Variants in WDR64 observed in about 807,000 individuals in gnomAD.
WDR64 encodes the protein WD repeat-containing protein 64.
Under a neutral mutation model 139.3 loss-of-function variants are expected in WDR64, and 112 were observed. The ratio of observed to expected loss-of-function variants is 0.80; its 90% confidence interval spans 0.69 to 0.94. The LOEUF (loss-of-function observed/expected upper bound fraction) is 0.94, where lower values mean the gene tolerates loss of function less well. Ranked by LOEUF, WDR64 falls within the 40% of genes least tolerant of loss-of-function variation. The pLI is 0.00. For missense variants in WDR64, 1,206 were observed against 1,293.1 expected, an observed-to-expected ratio of 0.93 and a Z score of 1.03; for synonymous variants, 444 against 437.7, an observed-to-expected ratio of 1.01 and a Z score of -0.18.
At chr1:241,773,227 A>G (rs1658527279) in intron 20 of WDR64, among the ~76,000 whole-genome samples, 1 of 152,168 alleles carries the variant, frequency 6.6e-6, no homozygotes, top group South Asian at 2.1e-4. Context: ...ACAGATACCC[A>G]TACTGGGATA....
intron 14 of WDR64, 32 bp downstream of exon 14, chr1:241,749,754 G>C: frequency 6.5e-7 from 1 of 1,547,588 alleles, no homozygotes; most frequent in African/African-American, 1.8e-5. Context: ...TCGTACTGCA[G>C]GTGCCCTTTT....
At position 241,771,726 on chromosome 1, in the gene WDR64, T is replaced by A. The variant is rs758160882; in HGVS notation, c.2290+29T>A. ...AGTATGAAATCACCTCTCTTCTTTA[T>A]AATAAAGCAACTCCTTTGCAAGAGG... On this transcript the variant is annotated intron_variant, in intron 19 of 27. Transcript: ENST00000437684. 8.5e-6 allele frequency: 12 copies of A among 1,407,146 alleles called. No homozygotes were observed. The South Asian group carries it at 1.8e-4, about 21-fold the overall frequency. The allele number at this position is 1,407,146 out of a possible 1,614,324, so 87.2% of individuals were successfully genotyped here. A position where few individuals can be genotyped will look rare whatever the true frequency, so the allele number is the denominator to read the frequency against.
chr1:241,741,791 GATTTT>G (rs1388579060), intron 12 of WDR64, 127 bp downstream of exon 12: 33 of 1,027,776 alleles, frequency 3.2e-5, no homozygotes, highest in Admixed American at 1.1e-4. Flanking sequence ...ACATTAGAAT[GATTTT>G]TAAGCTTCCA....
At chr1:241,724,125 G>A (rs1668713266) in intron 10 of WDR64, among the ~76,000 whole-genome samples, 1 of 152,096 alleles carries the variant, frequency 6.6e-6, no homozygotes, top group African/African-American at 2.4e-5. Context: ...AGATAACTAT[G>A]AAGTTTTACT....
At chr1:241,748,508 C>T (rs1669850614) in intron 13 of WDR64, among the ~76,000 whole-genome samples, 1 of 152,160 alleles carries the variant, frequency 6.6e-6, no homozygotes, top group Non-Finnish European at 1.5e-5. Flanking sequence ...GTCTGAGCCA[C>T]AGCAGATCTC....
intron 15 of WDR64, among the ~76,000 whole-genome samples, chr1:241,762,157 A>G (rs1215376610): frequency 6.6e-6 from 1 of 152,172 alleles, no homozygotes; most frequent in Admixed American, 6.5e-5. Flanking sequence ...TTCTTAAATA[A>G]TAAGACTTGA....
rs1476984988 is a variant in WDR64 at position 241,738,439 on chromosome 1, T to C, written c.1271T>C (p.Met424Thr). 6.2e-7 allele frequency: 1 copy of C among 1,613,924 alleles called. No homozygotes were observed. Among genetic ancestry groups the C allele is most frequent in the Non-Finnish European group, 8.5e-7 (1 of 1,179,896 alleles). The change falls in exon 11 of 28, where the codon ATG becomes ACG. Residue 424 changes from methionine to threonine, a missense_variant. Met to Thr is a moderately conservative substitution (Grantham distance 81). Transcript: ENST00000437684. ...FHDSQGGPGDMQIYSMIYDAN... is the reference protein window; with the variant it reads ...FHDSQGGPGDTQIYSMIYDAN... ...GACAGCCAGGGAGGACCAGGAGACATGCAGATTTACTCTATGATATATGAT... is the reference window on the plus strand; with the variant it reads ...GACAGCCAGGGAGGACCAGGAGACACGCAGATTTACTCTATGATATATGAT...
chr1:241,670,794 T>C (rs1291719745), intron 2 of WDR64, among the ~76,000 whole-genome samples: 1 of 152,158 alleles, frequency 6.6e-6, no homozygotes, highest in Non-Finnish European at 1.5e-5. Context: ...TATGAGAATC[T>C]AGTGCCTGAT....
At chr1:241,692,028 T>TAAAAAAAAAA (rs77284427) in intron 8 of WDR64, among the ~76,000 whole-genome samples, 2 of 113,734 alleles carry the variant, frequency 1.8e-5, no homozygotes, top group African/African-American at 3.2e-5. Flanking sequence ...AATAAAAAAA[T>TAAAAAAAAAA]AAAAAAAAAA....
intron 10 of WDR64, among the ~76,000 whole-genome samples, chr1:241,726,218 G>T (rs1574045572): frequency 1.3e-5 from 2 of 151,916 alleles, no homozygotes; most frequent in East Asian, 3.9e-4. Context: ...ATATATTGAG[G>T]TGATAATAAT....
At chr1:241,724,526 A>G (rs1668727109) in intron 10 of WDR64, among the ~76,000 whole-genome samples, 1 of 152,228 alleles carries the variant, frequency 6.6e-6, no homozygotes, top group South Asian at 2.1e-4. Flanking sequence ...TGGTTTGTTC[A>G]ATAAGTGTTG....
intron 27 of WDR64, among the ~76,000 whole-genome samples, chr1:241,799,003 T>C (rs1420125287): frequency 1.3e-5 from 2 of 151,790 alleles, no homozygotes; most frequent in Admixed American, 1.3e-4. Context: ...TGGAAACATG[T>C]CCAATCATGC....
In WDR64 at chr1:241,783,357, C is replaced by A. The variant is rs749108824; in HGVS notation, c.2681C>A (p.Thr894Asn). The A allele has an allele frequency of 1.9e-6, 3 of 1,614,006 alleles. No individual in the cohort carries two copies. In the South Asian group the frequency reaches 3.3e-5, roughly 18 times the overall value. Residue 894 changes from threonine (T) to asparagine (N), a missense_variant, in exon 23 of 28, where the codon ACT becomes AAT. Transcript: ENST00000437684. ...GTAGAAGAAAAACAAGTGGTACTTA[C>A]TGCCTCCATCGATGGCTCAGTAAGG... is the stretch of plus-strand genomic sequence containing the variant. ...IYVEEKQVVL[T>N]ASIDGSVRLW...
At position 241,772,766 on chromosome 1, in the gene WDR64, T is replaced by C. The variant is rs1325868780; in HGVS notation, c.2291-26T>C. The C allele has an allele frequency of 9.7e-6, 15 of 1,550,826 alleles. No homozygotes were observed. In the South Asian group the frequency reaches 1.3e-4, roughly 14 times the overall value. ...GTGTGAGCCACCACGCCTGGCCTCA[T>C]GATAGTTCATTAATTTCTCGAATAG... On this transcript the variant is annotated intron_variant, in intron 19 of 27. Coordinates refer to ENST00000437684, the MANE Select transcript of WDR64 (RefSeq NM_001367482.1).
rs147520998 is a variant in WDR64, at chr1:241,657,289, C to T, written c.146-3241C>T. Among the ~76,000 whole-genome samples the T allele has an allele frequency of 5.3e-5, 8 of 152,234 alleles. No individual in the cohort carries two copies. The East Asian group carries it at 5.8e-4, about 11-fold the overall frequency. On this transcript the variant is annotated intron_variant, in intron 1 of 27. Transcript: ENST00000437684. ...GTGCAATTGCCCTCCACTAGTTTTA[C>T]GTCTTTCCATCTGGCCTCCTAGCAG...
intron 1 of WDR64, among the ~76,000 whole-genome samples, chr1:241,654,581 T>C (rs1665500773): frequency 6.6e-6 from 1 of 152,194 alleles, no homozygotes; most frequent in African/African-American, 2.4e-5. Context: ...TTGCTTCTTT[T>C]TCTCCTTGAG....
At chr1:241,674,891 T>TCCC (rs1666418098) in intron 4 of WDR64, 144 bp downstream of exon 4, 1 of 130,734 alleles carries the variant, frequency 7.6e-6, no homozygotes, top group Non-Finnish European at 1.5e-5. Context: ...TCCTTCTTGC[T>TCCC]TTTATTTCCT....
intron 10 of WDR64, among the ~76,000 whole-genome samples, chr1:241,723,994 A>G (rs1668708676): frequency 6.6e-6 from 1 of 152,042 alleles, no homozygotes; most frequent in Non-Finnish European, 1.5e-5. Context: ...ATAAATAAAT[A>G]AATGTCTATA....
chr1:241,759,771 G>A (rs1052119476), intron 15 of WDR64, among the ~76,000 whole-genome samples: 14 of 152,006 alleles, frequency 9.2e-5, no homozygotes, highest in South Asian at 6.2e-4. Context: ...TGCACAGTTA[G>A]GGACATTAAG....
Sources: allele counts gnomAD v4.1 joint callset (sites outside exome capture counted in the v4.1 genomes callset), GRCh38; gene constraint gnomAD v4.1.1; transcripts MANE v1.5; gene names NCBI Gene and HGNC (gene_info 2026-07-23, HGNC 2026-07-21).